The following ZNF385D variants were observed in gnomAD, a reference collection of about 807,000 sequenced individuals.
ZNF385D encodes the protein zinc finger protein 659.
In ZNF385D, 15 loss-of-function variants were observed where a neutral mutation model predicts 35.8. That is an observed-to-expected ratio of 0.42 (90% CI 0.28 to 0.64). The LOEUF (loss-of-function observed/expected upper bound fraction) is 0.64, where lower values mean the gene tolerates loss of function less well. Ranked by LOEUF, ZNF385D falls within the 30% of genes least tolerant of loss-of-function variation. ZNF385D has a pLI of 0.23. For synonymous variants in ZNF385D, 212 were observed against 186.8 expected, an observed-to-expected ratio of 1.13 and a Z score of -1.10; for missense variants, 474 against 494.6, an observed-to-expected ratio of 0.96 and a Z score of 0.39.
At chr3:21,590,569 G>T (rs908055815) in intron 2 of ZNF385D, among the ~76,000 whole-genome samples, 1 of 151,982 alleles carries the variant, frequency 6.6e-6, no homozygotes, top group African/African-American at 2.4e-5. Context: ...GAATTACATT[G>T]TTTTTATCTG....
chr3:22,233,787 C>T (rs1297706590), intron 2 of ZNF385D, among the ~76,000 whole-genome samples: 1 of 152,020 alleles, frequency 6.6e-6, no homozygotes, highest in Non-Finnish European at 1.5e-5. Context: ...TTTGAACATT[C>T]CTTCTGTATC....
At chr3:22,332,669 T>A (rs1213663754) in intron 2 of ZNF385D, among the ~76,000 whole-genome samples, 1 of 152,176 alleles carries the variant, frequency 6.6e-6, no homozygotes, top group Non-Finnish European at 1.5e-5. Context: ...ATTATGAATT[T>A]AAATTATATG....
At chr3:22,090,008 T>G (rs951448391) in intron 3 of ZNF385D, among the ~76,000 whole-genome samples, 3 of 152,020 alleles carry the variant, frequency 2.0e-5, no homozygotes, top group Non-Finnish European at 4.4e-5. Context: ...CAGTCTAATT[T>G]TTTTGCATTT....
intron 1 of ZNF385D, among the ~76,000 whole-genome samples, chr3:21,732,578 C>T (rs1406577667): frequency 6.6e-6 from 1 of 152,188 alleles, no homozygotes; most frequent in Non-Finnish European, 1.5e-5. Flanking sequence ...TGGATTTTGA[C>T]TATTATGATA....
At chr3:21,813,060 G>A (rs954502437) in intron 3 of ZNF385D, among the ~76,000 whole-genome samples, 4 of 152,164 alleles carry the variant, frequency 2.6e-5, no homozygotes, top group Non-Finnish European at 4.4e-5. Context: ...TGCAGCCTCC[G>A]CTGGTGATAC....
At chr3:22,317,134 G>C (rs566041937) in intron 2 of ZNF385D, among the ~76,000 whole-genome samples, 4 of 151,276 alleles carry the variant, frequency 2.6e-5, no homozygotes, top group African/African-American at 9.7e-5. Flanking sequence ...AAAATTAGCC[G>C]GGCATGGTGG....
chr3:22,339,966 T>G (rs950721174), intron 2 of ZNF385D, among the ~76,000 whole-genome samples: 2 of 152,214 alleles, frequency 1.3e-5, no homozygotes, highest in African/African-American at 4.8e-5. Context: ...TTTCCCACTT[T>G]CTGTGACCAT....
At chr3:22,269,083 TA>T (rs1701043464) in intron 2 of ZNF385D, among the ~76,000 whole-genome samples, 2 of 151,972 alleles carry the variant, frequency 1.3e-5, no homozygotes, top group South Asian at 4.2e-4. Flanking sequence ...CATCAGTAAA[TA>T]AACAAATGAA....
intron 3 of ZNF385D, among the ~76,000 whole-genome samples, chr3:21,807,528 A>G (rs1293017808): frequency 6.6e-6 from 1 of 152,202 alleles, no homozygotes; most frequent in Non-Finnish European, 1.5e-5. Context: ...TTTGAAGATA[A>G]TATTTTATTT....
At chr3:21,795,292 A>C (rs2125671621) in intron 3 of ZNF385D, among the ~76,000 whole-genome samples, 1 of 152,328 alleles carries the variant, frequency 6.6e-6, no homozygotes, top group South Asian at 2.1e-4. Flanking sequence ...TCTAATAACG[A>C]AGAAGCCTGG....
chr3:21,421,568 A>G, intron 7 of ZNF385D, 121 bp from the exon 8 acceptor site: 1 of 646,786 alleles, frequency 1.5e-6, no homozygotes, highest in Middle Eastern at 4.2e-4. Flanking sequence ...AAAGCTTCAC[A>G]CTTGTGAACT....
intron 3 of ZNF385D, among the ~76,000 whole-genome samples, chr3:21,982,509 T>C (rs1399845624): frequency 6.6e-6 from 1 of 152,174 alleles, no homozygotes; most frequent in Non-Finnish European, 1.5e-5. Flanking sequence ...TTTCTAGATA[T>C]ATAATCATGT....
chr3:21,687,619 G>A (rs1020979380), intron 1 of ZNF385D, among the ~76,000 whole-genome samples: 1 of 152,024 alleles, frequency 6.6e-6, no homozygotes, highest in Non-Finnish European at 1.5e-5. Flanking sequence ...TTACATTAAG[G>A]CTCACTCTTG....
At chr3:22,155,043 T>G (rs990983321) in intron 3 of ZNF385D, among the ~76,000 whole-genome samples, 11 of 152,154 alleles carry the variant, frequency 7.2e-5, no homozygotes, top group Non-Finnish European at 1.0e-4. Context: ...TTAAACATCA[T>G]TGTATAATTG....
chr3:22,279,713 T>C lies in ZNF385D; in HGVS notation c.106+92737A>G, dbSNP rs182953453. ...GATGAGAATTTGGGCTGGTGCCATA[T>C]TTTTACAATTATGAATTCTGCTGCT... On this transcript the variant is annotated intron_variant, in intron 2 of 5. Coordinates refer to the ZNF385D transcript ENST00000494108. Among the ~76,000 whole-genome samples, 71 of 151,830 alleles carry C rather than the reference T, an allele frequency of 4.7e-4. No individual in the cohort carries two copies. In the East Asian group the frequency reaches 0.01, roughly 22 times the overall value.
chr3:21,920,628 A>G (rs1700410649), intron 3 of ZNF385D, among the ~76,000 whole-genome samples: 1 of 151,782 alleles, frequency 6.6e-6, no homozygotes, highest in African/African-American at 2.4e-5. Context: ...ATGCCAAAAA[A>G]AAAAAAAAAA....
intron 3 of ZNF385D, among the ~76,000 whole-genome samples, chr3:21,876,657 A>G (rs1315134331): frequency 6.6e-6 from 1 of 151,920 alleles, no homozygotes; most frequent in Non-Finnish European, 1.5e-5. Flanking sequence ...CATGGATAGA[A>G]AATAGTACAG....
intron 4 of ZNF385D, among the ~76,000 whole-genome samples, chr3:21,437,701 C>CAAAAAAAAAAAAAAAAAAAAAA (rs751739275): frequency 1.3e-5 from 1 of 77,196 alleles, no homozygotes; most frequent in Non-Finnish European, 2.3e-5. Flanking sequence ...AATGCTTATA[C>CAAAAAAAAAAAAAAAAAAAAAA]AAAAAAAAAA....
intron 3 of ZNF385D, among the ~76,000 whole-genome samples, chr3:22,140,354 A>C (rs545566133): frequency 2.8e-4 from 42 of 152,314 alleles, no homozygotes; most frequent in African/African-American, 9.6e-4. Flanking sequence ...GGTTCTATTT[A>C]TACAACATTT....
Sources: allele counts gnomAD v4.1 joint callset (sites outside exome capture counted in the v4.1 genomes callset), GRCh38; gene constraint gnomAD v4.1.1; transcripts MANE v1.5; gene names NCBI Gene and HGNC (gene_info 2026-07-23, HGNC 2026-07-21).